The following GLIPR1L1 variants were observed in gnomAD, a reference collection of about 807,000 sequenced individuals.
GLIPR1L1 encodes the protein GLIPR1-like protein 1.
In GLIPR1L1, 26 loss-of-function variants were observed where a neutral mutation model predicts 29.9. The observed-to-expected ratio is 0.87, with a 90% CI of 0.64 to 1.21. GLIPR1L1 has a LOEUF of 1.21. Among genes scored for constraint, GLIPR1L1 ranks in the 50% most tolerant of loss-of-function variants. The pLI is 0.00. For synonymous variants in GLIPR1L1, 77 were observed against 97.5 expected, an observed-to-expected ratio of 0.79 and a Z score of 1.24; for missense variants, 305 against 290.3, an observed-to-expected ratio of 1.05 and a Z score of -0.37.
intron 1 of GLIPR1L1, among the ~76,000 whole-genome samples, chr12:75,340,048 A>G (rs1388723174): frequency 1.3e-5 from 2 of 151,972 alleles, no homozygotes; most frequent in Non-Finnish European, 2.9e-5. Context: ...AATGGTCTCC[A>G]ACTCCATCCA....
intron 2 of GLIPR1L1, among the ~76,000 whole-genome samples, chr12:75,345,920 A>T (rs1214042689): frequency 1.3e-5 from 2 of 152,236 alleles, no homozygotes; most frequent in Non-Finnish European, 2.9e-5. Context: ...GCTAGTTTAC[A>T]CACAAGGTTA....
chr12:75,351,972 C>T (rs1256423667), intron 3 of GLIPR1L1, among the ~76,000 whole-genome samples: 1 of 152,128 alleles, frequency 6.6e-6, no homozygotes, highest in Admixed American at 6.6e-5. Flanking sequence ...AATTCATCAC[C>T]ACCAGGCCTG....
At chr12:75,366,779 G>T in intron 4 of GLIPR1L1, 1 of 674,892 alleles carries the variant, frequency 1.5e-6, no homozygotes, top group Non-Finnish European at 2.7e-6. Context: ...ATGTGTCTCA[G>T]TTTCTCTCTT....
At chr12:75,334,940 C>T (rs1565942233) in intron 1 of GLIPR1L1, 38 bp downstream of exon 1, 2 of 1,575,800 alleles carry the variant, frequency 1.3e-6, no homozygotes, top group Non-Finnish European at 1.7e-6. Flanking sequence ...AAATCCCTGA[C>T]TCATCCTGAG....
At chr12:75,348,905 A>T (rs1180751872) in intron 3 of GLIPR1L1, among the ~76,000 whole-genome samples, 1 of 152,184 alleles carries the variant, frequency 6.6e-6, no homozygotes, top group Non-Finnish European at 1.5e-5. Context: ...TTAGCCCTAT[A>T]ATTCCCCCAG....
intron 3 of GLIPR1L1, chr12:75,360,079 C>G (rs927188164): frequency 1.3e-5 from 2 of 152,122 alleles, no homozygotes; most frequent in Non-Finnish European, 2.9e-5. Flanking sequence ...ATCATGAGAA[C>G]AGCATGGGGG....
chr12:75,352,715 A>G (rs76374256), intron 3 of GLIPR1L1, among the ~76,000 whole-genome samples: 2,360 of 152,346 alleles, frequency 0.015, 49 homozygotes, highest in African/African-American at 0.054. Context: ...TCTCAGTGCC[A>G]CAAGGCACTT....
chr12:75,344,645 T>C (rs547449930), intron 2 of GLIPR1L1, among the ~76,000 whole-genome samples: 1 of 152,144 alleles, frequency 6.6e-6, no homozygotes, highest in African/African-American at 2.4e-5. Context: ...AATCGAATTT[T>C]CTTCCATCAT....
chr12:75,366,104 C>G (rs976782041), intron 4 of GLIPR1L1, among the ~76,000 whole-genome samples: 1 of 152,040 alleles, frequency 6.6e-6, no homozygotes, highest in Non-Finnish European at 1.5e-5. Flanking sequence ...TTATTTAAGT[C>G]ATGTGAACTT....
In GLIPR1L1 at chr12:75,370,467, T is replaced by G. The variant is rs113885066; in HGVS notation, c.*291T>G. The G allele has an allele frequency of 7.3e-5, 16 of 218,366 alleles. No homozygotes were observed. The highest frequency in any genetic ancestry group is 3.6e-4 in the African/African-American group (16 of 44,130). 13.5% of individuals were successfully genotyped at this position (218,366 alleles called of 1,614,324 possible). ...ATTATCATTTTAGTTATAGTACATT[T>G]AGAGAACTAAAGACTTTTCACATAT... On this transcript the variant is annotated 3_prime_UTR_variant, in exon 6 of 6. Transcript: ENST00000378695.
chr12:75,340,830 C>T (rs962541423), intron 1 of GLIPR1L1, among the ~76,000 whole-genome samples: 5 of 151,196 alleles, frequency 3.3e-5, no homozygotes, highest in Non-Finnish European at 3.0e-5. Context: ...TGAAAACATG[C>T]TAAACATCAT....
chr12:75,364,411 G>A lies in GLIPR1L1; in HGVS notation c.610+1221G>A, dbSNP rs138065100. ...ATGGCCAGTAAACATTTACTTTATC[G>A]CATAGTGTTGTCAGGGTGGCATGGC... On this transcript the variant is annotated intron_variant, in intron 4 of 5. Coordinates refer to ENST00000378695, the MANE Select transcript of GLIPR1L1 (RefSeq NM_001304964.2). 2.0e-3 allele frequency among the ~76,000 whole-genome samples: 301 copies of A among 152,300 alleles called. 1 individual carries two copies. The highest frequency in any genetic ancestry group is 6.9e-3 in the African/African-American group (286 of 41,574).
intron 3 of GLIPR1L1, chr12:75,360,512 G>T (rs771627358): frequency 1.3e-5 from 2 of 152,146 alleles, no homozygotes; most frequent in African/African-American, 4.8e-5. Flanking sequence ...AAATCCAGTG[G>T]GGCAGTCATT....
intron 4 of GLIPR1L1, among the ~76,000 whole-genome samples, chr12:75,363,502 TGTTATTA>T (rs1209331914): frequency 1.3e-5 from 2 of 152,162 alleles, no homozygotes; most frequent in African/African-American, 4.8e-5. Flanking sequence ...ATTGACCTCT[TGTTATTA>T]GTTATTAGAA....
intron 3 of GLIPR1L1, among the ~76,000 whole-genome samples, chr12:75,359,301 A>G (rs2043386926): frequency 6.7e-6 from 1 of 149,192 alleles, no homozygotes; most frequent in African/African-American, 2.5e-5. Context: ...CAAAGACACA[A>G]TAGCGACATA....
intron 1 of GLIPR1L1, 59 bp downstream of exon 1, chr12:75,334,961 G>C: frequency 6.7e-7 from 1 of 1,496,720 alleles, no homozygotes; most frequent in Admixed American, 1.9e-5. Context: ...GTATCTGGGT[G>C]ATAAATTTCA....
intron 1 of GLIPR1L1, among the ~76,000 whole-genome samples, chr12:75,338,416 C>T (rs1382191040): frequency 2.0e-5 from 3 of 152,120 alleles, no homozygotes; most frequent in African/African-American, 7.2e-5. Flanking sequence ...CAGTCTGCCA[C>T]TCTTCATAGA....
At chr12:75,344,993 T>G (rs1007110147) in intron 2 of GLIPR1L1, among the ~76,000 whole-genome samples, 1 of 152,130 alleles carries the variant, frequency 6.6e-6, no homozygotes, top group African/African-American at 2.4e-5. Flanking sequence ...TCTCCTCTAG[T>G]TCTTGTAAAT....
intron 1 of GLIPR1L1, among the ~76,000 whole-genome samples, chr12:75,342,573 T>C (rs1012767277): frequency 3.9e-5 from 6 of 152,206 alleles, no homozygotes; most frequent in Admixed American, 3.9e-4. Context: ...TGTGTCAATA[T>C]GACAATATCT....
Sources: allele counts gnomAD v4.1 joint callset (sites outside exome capture counted in the v4.1 genomes callset), GRCh38; gene constraint gnomAD v4.1.1; transcripts MANE v1.5; gene names NCBI Gene and HGNC (gene_info 2026-07-23, HGNC 2026-07-21).